STON1: variants seen among roughly 807,000 people sequenced by gnomAD.
STON1 encodes the protein stonin 1, also known as stonin-1.
Under a neutral mutation model 60.9 loss-of-function variants are expected in STON1, and 79 were observed. The observed-to-expected ratio is 1.30, with a 90% CI of 1.08 to 1.56. The LOEUF (loss-of-function observed/expected upper bound fraction) is 1.56. Ranked by LOEUF, STON1 falls within the 40% of genes most tolerant of loss-of-function variation. The pLI, the probability that STON1 is intolerant of heterozygous loss-of-function variation, is 0.00. For missense variants in STON1, 1,166 were observed against 858.9 expected (o/e 1.36, Z -4.47); for synonymous variants, 363 against 306.9 (o/e 1.18, Z -1.91).
intron 1 of STON1, among the ~76,000 whole-genome samples, chr2:48,572,609 C>G (rs989703889): frequency 1.4e-4 from 22 of 152,152 alleles, no homozygotes; most frequent in African/African-American, 4.8e-4. Context: ...ACCACTGTTG[C>G]AAATTTTGAA....
chr2:48,541,557 G>C (rs576922495), intron 1 of STON1, among the ~76,000 whole-genome samples: 25 of 150,004 alleles, frequency 1.7e-4, no homozygotes, highest in Admixed American at 4.0e-4. Flanking sequence ...AAATTAGTCG[G>C]GCATGGTGGT....
intron 1 of STON1, among the ~76,000 whole-genome samples, chr2:48,567,513 G>A (rs1672998405): frequency 6.6e-6 from 1 of 152,164 alleles, no homozygotes; most frequent in Non-Finnish European, 1.5e-5. Context: ...CTGTGTTCAA[G>A]CGATTCTCCT....
At chr2:48,587,309 A>T (rs1365775969) in intron 2 of STON1, among the ~76,000 whole-genome samples, 1 of 146,960 alleles carries the variant, frequency 6.8e-6, no homozygotes, top group Non-Finnish European at 1.5e-5. Flanking sequence ...TTATTTATTT[A>T]TGAGACGGAG....
intron 1 of STON1, among the ~76,000 whole-genome samples, chr2:48,548,792 G>A (rs924689225): frequency 6.6e-6 from 1 of 152,158 alleles, no homozygotes; most frequent in Non-Finnish European, 1.5e-5. Flanking sequence ...GAGCCACCAT[G>A]CCCGGCCTCA....
intron 1 of STON1, among the ~76,000 whole-genome samples, chr2:48,577,924 C>T (rs1349989162): frequency 6.6e-6 from 1 of 150,844 alleles, no homozygotes; most frequent in Non-Finnish European, 1.5e-5. Flanking sequence ...CCAAAAAAAA[C>T]CAAAAAAACA....
chr2:48,557,295 C>T (rs1420036385), intron 1 of STON1, among the ~76,000 whole-genome samples: 1 of 76,770 alleles, frequency 1.3e-5, no homozygotes, highest in Non-Finnish European at 2.7e-5. Context: ...ACCTCCCAGA[C>T]GGGGTCTCGG....
chr2:48,591,053 TACTC>T (rs1674486317), intron 2 of STON1, among the ~76,000 whole-genome samples: 3 of 152,094 alleles, frequency 2.0e-5, no homozygotes, highest in African/African-American at 4.8e-5. Context: ...TATAAGATGT[TACTC>T]AGTCTAAGAG....
At chr2:48,576,627 C>G (rs77337164) in intron 1 of STON1, among the ~76,000 whole-genome samples, 10,092 of 150,840 alleles carry the variant, frequency 0.067, 471 homozygotes, top group Non-Finnish European at 0.1. Context: ...CATATATTTT[C>G]TGGCTATTTG....
rs1558604434 is a variant in STON1, at chr2:48,564,465, T to TCC, written c.-47-16122_-47-16121insCC. Among the ~76,000 whole-genome samples, 10 of 55,644 alleles carry TCC rather than the reference T, an allele frequency of 1.8e-4. 1 individual carries two copies. The highest frequency in any genetic ancestry group is 6.2e-4 in the African/African-American group (9 of 14,554). The allele number at this position is 55,644 out of a possible 152,430, so 36.5% of individuals were successfully genotyped here. A position where few individuals can be genotyped will look rare whatever the true frequency, so the allele number is the denominator to read the frequency against. On this transcript the variant is annotated intron_variant, in intron 1 of 3. Coordinates refer to ENST00000404752, the MANE Select transcript of STON1 (RefSeq NM_006873.4). ...CTTCTTCTTCTTCTTCTTCTTCTTC[T>TCC]TCTTCTTCTTCTTCTTTCTTCTTCT...
At chr2:48,582,615 C>G in intron 2 of STON1, 52 bp downstream of exon 2, 3 of 1,562,164 alleles carry the variant, frequency 1.9e-6, no homozygotes, top group Non-Finnish European at 2.6e-6. Context: ...CTTAAATATT[C>G]TTACCTTCCT....
At chr2:48,575,481 C>G (rs1186805787) in intron 1 of STON1, among the ~76,000 whole-genome samples, 1 of 151,776 alleles carries the variant, frequency 6.6e-6, no homozygotes, top group East Asian at 2.0e-4. Flanking sequence ...TGGAGAAACC[C>G]CATCTCTACT....
intron 2 of STON1, 25 bp from the exon 3 acceptor site, chr2:48,591,628 A>T: frequency 1.2e-6 from 2 of 1,609,944 alleles, no homozygotes; most frequent in Non-Finnish European, 8.5e-7. Context: ...AAATACTTTG[A>T]CTATTTGATT....
At chr2:48,584,061 T>A (rs1674060298) in intron 2 of STON1, among the ~76,000 whole-genome samples, 1 of 152,006 alleles carries the variant, frequency 6.6e-6, no homozygotes, top group Non-Finnish European at 1.5e-5. Context: ...TCCATCCAAA[T>A]CTTTACTGAG....
rs577691817 is a variant in STON1, at chr2:48,594,976, C to T, written c.2134-252C>T. Among the ~76,000 whole-genome samples, 5 of 152,140 alleles carry T rather than the reference C, an allele frequency of 3.3e-5. No homozygotes were observed. In the South Asian group the frequency reaches 8.3e-4, roughly 25 times the overall value. ...TTCTGTATACATTTTATAAAAACTA[C>T]GTTTGACTTAGAAGACAGTTTTGGT... On this transcript the variant is annotated intron_variant, in intron 3 of 3. Transcript: ENST00000404752.
At chr2:48,554,143 G>A (rs759561639) in intron 1 of STON1, among the ~76,000 whole-genome samples, 7 of 152,216 alleles carry the variant, frequency 4.6e-5, no homozygotes. Context: ...GCCTTGCTGA[G>A]CTGGGCTGTG....
intron 1 of STON1, among the ~76,000 whole-genome samples, chr2:48,541,571 C>A (rs544843522): frequency 6.8e-6 from 1 of 147,988 alleles, no homozygotes; most frequent in African/African-American, 2.5e-5. Flanking sequence ...TGGTGGTGCA[C>A]GCCTGTAGTC....
At chr2:48,586,746 A>G (rs1674229905) in intron 2 of STON1, among the ~76,000 whole-genome samples, 1 of 152,096 alleles carries the variant, frequency 6.6e-6, no homozygotes, top group South Asian at 2.1e-4. Context: ...ACAGAATCAT[A>G]TCTTGTTTCA....
chr2:48,549,747 A>C (rs138067537), intron 1 of STON1, among the ~76,000 whole-genome samples: 2,221 of 142,744 alleles, frequency 0.016, 48 homozygotes, highest in African/African-American at 0.052. Flanking sequence ...AGGGGGACAG[A>C]GGTTGCAGCA....
chr2:48,543,198 C>T (rs1477453437), intron 1 of STON1, among the ~76,000 whole-genome samples: 3 of 152,084 alleles, frequency 2.0e-5, no homozygotes, highest in Admixed American at 6.6e-5. Context: ...TGATCTCAAA[C>T]TCCTGACGTC....
Sources: gnomAD v4.1 joint callset for allele counts (sites outside exome capture counted in the v4.1 genomes callset) on GRCh38, gnomAD v4.1.1 for gene constraint, MANE v1.5 for transcripts, NCBI Gene and HGNC (gene_info 2026-07-23, HGNC 2026-07-21) for gene names.